The following TMEM132D variants were observed in gnomAD, a reference collection of about 807,000 sequenced individuals.
TMEM132D encodes mature OL transmembrane protein.
A neutral mutation model predicts 62.3 loss-of-function variants in TMEM132D; 21 were observed. The observed-to-expected ratio is 0.34, with a 90% confidence interval of 0.24 to 0.49. The LOEUF (loss-of-function observed/expected upper bound fraction) is 0.49. Among genes scored for constraint, TMEM132D ranks in the 20% least tolerant of loss-of-function variants. The probability of loss-of-function intolerance (pLI) is 0.99; values close to 1 mark genes in which losing one functional copy is unlikely to be tolerated. For synonymous variants in TMEM132D, 621 were observed against 575.6 expected (o/e 1.08, Z -1.13); for missense variants, 1,346 against 1,402.8 (o/e 0.96, Z 0.65).
At chr12:129,305,993 C>T (rs912651722) in intron 4 of TMEM132D, among the ~76,000 whole-genome samples, 1 of 152,106 alleles carries the variant, frequency 6.6e-6, no homozygotes, top group Non-Finnish European at 1.5e-5. Flanking sequence ...CTGTAAATGC[C>T]ACTTCAAATC....
chr12:129,647,402 A>G (rs1879814433), intron 2 of TMEM132D, among the ~76,000 whole-genome samples: 1 of 151,992 alleles, frequency 6.6e-6, no homozygotes, highest in South Asian at 2.1e-4. Flanking sequence ...CTTCCTCACG[A>G]CAATCAGTGA....
At chr12:129,322,042 C>T (rs1319469188) in intron 4 of TMEM132D, among the ~76,000 whole-genome samples, 1 of 151,898 alleles carries the variant, frequency 6.6e-6, no homozygotes, top group Non-Finnish European at 1.5e-5. Context: ...CCATTTTAGT[C>T]ATGTGACTTC....
At chr12:129,780,346 G>A (rs927014089) in intron 1 of TMEM132D, among the ~76,000 whole-genome samples, 2 of 151,662 alleles carry the variant, frequency 1.3e-5, no homozygotes, top group African/African-American at 4.8e-5. Flanking sequence ...GGGAGGGGGG[G>A]GGCCGGGGGG....
chr12:129,814,865 C>A (rs1872301198), intron 1 of TMEM132D, among the ~76,000 whole-genome samples: 1 of 152,232 alleles, frequency 6.6e-6, no homozygotes, highest in Non-Finnish European at 1.5e-5. Flanking sequence ...TTAATTGCTA[C>A]CTTCTTATCC....
intron 2 of TMEM132D, among the ~76,000 whole-genome samples, chr12:129,596,654 G>T (rs1327671151): frequency 6.6e-6 from 1 of 152,014 alleles, no homozygotes; most frequent in Non-Finnish European, 1.5e-5. Context: ...ATAAATCATT[G>T]TTATATTGTA....
In TMEM132D at chr12:129,785,754, C is replaced by T. The variant is rs193287865; in HGVS notation, c.80-85056G>A. 5.3e-5 allele frequency among the ~76,000 whole-genome samples: 8 copies of T among 152,248 alleles called. No homozygotes were observed. In the East Asian group the frequency reaches 9.7e-4, roughly 18 times the overall value. The stretch of plus-strand genomic sequence containing the variant: ...CTGTTGTTTAAGCCACTCAGTCTAT[C>T]GTATTTTTGTTTCAGCAGCCTGAGC... On this transcript the variant is annotated intron_variant, in intron 1 of 8. Transcript: ENST00000422113.
At chr12:129,647,479 T>C (rs1324448619) in intron 2 of TMEM132D, among the ~76,000 whole-genome samples, 1 of 152,184 alleles carries the variant, frequency 6.6e-6, no homozygotes, top group Non-Finnish European at 1.5e-5. Flanking sequence ...GCAGAACTGC[T>C]GGATCATGGA....
chr12:129,250,353 G>A (rs545059071), intron 4 of TMEM132D, among the ~76,000 whole-genome samples: 1 of 152,324 alleles, frequency 6.6e-6, no homozygotes, highest in Non-Finnish European at 1.5e-5. Context: ...CCATTAAAGA[G>A]AAAGTTATCT....
chr12:129,488,503 T>C (rs2137058460), intron 3 of TMEM132D, among the ~76,000 whole-genome samples: 1 of 152,172 alleles, frequency 6.6e-6, no homozygotes, highest in African/African-American at 2.4e-5. Flanking sequence ...CAAAACCCTG[T>C]CTCTATTAAA....
At chr12:129,211,552 T>C (rs1340998010) in intron 4 of TMEM132D, among the ~76,000 whole-genome samples, 1 of 152,196 alleles carries the variant, frequency 6.6e-6, no homozygotes, top group African/African-American at 2.4e-5. Context: ...ACTATTTTCA[T>C]TATGTTAACT....
intron 4 of TMEM132D, among the ~76,000 whole-genome samples, chr12:129,335,980 G>C (rs77468240): frequency 0.017 from 2,635 of 152,296 alleles, 69 homozygotes; most frequent in African/African-American, 0.06. Flanking sequence ...CAGCAGCTAT[G>C]TTGGACCATG....
chr12:129,594,740 C>T (rs1203448946), intron 2 of TMEM132D, among the ~76,000 whole-genome samples: 1 of 152,152 alleles, frequency 6.6e-6, no homozygotes, highest in Non-Finnish European at 1.5e-5. Flanking sequence ...CCTGTAAGTT[C>T]CCGGTAGCAG....
At chr12:129,566,965 T>C (rs772906525) in intron 2 of TMEM132D, among the ~76,000 whole-genome samples, 3 of 152,234 alleles carry the variant, frequency 2.0e-5, no homozygotes, top group Admixed American at 6.5e-5. Context: ...TTGTTCCGCC[T>C]TTCCAGACCT....
At chr12:129,868,617 A>G (rs1229951603) in intron 1 of TMEM132D, among the ~76,000 whole-genome samples, 1 of 152,134 alleles carries the variant, frequency 6.6e-6, no homozygotes, top group Non-Finnish European at 1.5e-5. Context: ...CCCATTCTCT[A>G]TGCCCTGTAC....
At chr12:129,542,067 A>C (rs1005974402) in intron 2 of TMEM132D, among the ~76,000 whole-genome samples, 10 of 152,234 alleles carry the variant, frequency 6.6e-5, no homozygotes, top group Admixed American at 6.5e-4. Flanking sequence ...CATAAGTTCC[A>C]AATGTAGCCA....
chr12:129,715,045 A>C (rs1033905521), intron 1 of TMEM132D, among the ~76,000 whole-genome samples: 1 of 152,220 alleles, frequency 6.6e-6, no homozygotes, highest in African/African-American at 2.4e-5. Flanking sequence ...AGAGTGTTAC[A>C]TCTCATAATT....
At chr12:129,764,821 G>T (rs1457599569) in intron 1 of TMEM132D, among the ~76,000 whole-genome samples, 2 of 152,068 alleles carry the variant, frequency 1.3e-5, no homozygotes, top group African/African-American at 4.8e-5. Context: ...CAAGCATATA[G>T]TCCCAGCTAC....
chr12:129,498,439 A>G (rs1875028929), intron 3 of TMEM132D, among the ~76,000 whole-genome samples: 1 of 152,100 alleles, frequency 6.6e-6, no homozygotes, highest in Non-Finnish European at 1.5e-5. Context: ...TTTTTAGTAG[A>G]CACAGGGTTT....
At chr12:129,895,745 A>G (rs996224302) in intron 1 of TMEM132D, among the ~76,000 whole-genome samples, 5 of 152,150 alleles carry the variant, frequency 3.3e-5, no homozygotes, top group South Asian at 4.1e-4. Context: ...CATTGGAGTG[A>G]CGTGGCACAG....
Sources: gnomAD v4.1 joint callset for allele counts (sites outside exome capture counted in the v4.1 genomes callset) on GRCh38, gnomAD v4.1.1 for gene constraint, MANE v1.5 for transcripts, NCBI Gene and HGNC (gene_info 2026-07-23, HGNC 2026-07-21) for gene names.